The following FSTL4 variants were observed in gnomAD, a reference collection of about 807,000 sequenced individuals.
FSTL4 encodes follistatin-related protein 4.
Under a neutral mutation model 78.2 loss-of-function variants are expected in FSTL4, and 28 were observed. That is an observed-to-expected ratio of 0.36 (90% CI 0.27 to 0.49). The LOEUF (loss-of-function observed/expected upper bound fraction) is 0.49, where lower values mean the gene tolerates loss of function less well. Ranked by LOEUF, FSTL4 falls within the 20% of genes least tolerant of loss-of-function variation. FSTL4 has a pLI of 0.98. For synonymous variants in FSTL4, 422 were observed against 440.5 expected (o/e 0.96, Z 0.53); for missense variants, 922 against 1,084.9 (o/e 0.85, Z 2.11).
intron 2 of FSTL4, among the ~76,000 whole-genome samples, chr5:133,579,934 G>A (rs982400291): frequency 6.6e-6 from 1 of 152,212 alleles, no homozygotes; most frequent in African/African-American, 2.4e-5. Flanking sequence ...GAGCCTCTGA[G>A]AAGGTGAGCA....
intron 1 of FSTL4, among the ~76,000 whole-genome samples, chr5:133,607,586 G>A (rs1352981714): frequency 2.0e-5 from 3 of 152,186 alleles, no homozygotes; most frequent in East Asian, 3.8e-4. Context: ...GTAGACCCAC[G>A]ACATCTATTC....
At chr5:133,668,615 C>G in the FSTL4 span, among the ~76,000 whole-genome samples, 1 of 152,196 alleles carries the variant, frequency 6.6e-6, no homozygotes, top group African/African-American at 2.4e-5. Context: ...CCTTCTGACA[C>G]TGGTTTCTGT....
chr5:133,523,552 T>C (rs1759028471), intron 3 of FSTL4, among the ~76,000 whole-genome samples: 2 of 151,832 alleles, frequency 1.3e-5, no homozygotes, highest in Admixed American at 6.6e-5. Context: ...ATCCAGGCTG[T>C]TACGCCTATT....
rs369188393 is a variant in FSTL4 at position 133,213,315 on chromosome 5, AG to A, written c.1609-3018del. On this transcript the variant is annotated intron_variant, in intron 13 of 15. Transcript: ENST00000265342. ...ACCGTGCCTGGCCTGAGAAATACAA[AG>A]TAAAGTAAAGATATTTGAAAAGAAA... Among the ~76,000 whole-genome samples the A allele has an allele frequency of 3.7e-3, 461 of 124,922 alleles. 4 individuals carry two copies. The highest frequency in any genetic ancestry group is 0.026 in the African/African-American group (434 of 16,752). 82.0% of individuals were successfully genotyped at this position (124,922 alleles called of 152,430 possible). A position where few individuals can be genotyped will look rare whatever the true frequency, so the allele number is the denominator to read the frequency against.
chr5:133,476,092 G>A (rs1449105679), intron 3 of FSTL4, among the ~76,000 whole-genome samples: 1 of 152,186 alleles, frequency 6.6e-6, no homozygotes, highest in East Asian at 1.9e-4. Flanking sequence ...AGGTGCTGAG[G>A]CCAGCAGAAA....
At chr5:133,725,843 C>G in the FSTL4 span, among the ~76,000 whole-genome samples, 3 of 152,162 alleles carry the variant, frequency 2.0e-5, 1 homozygote, top group Non-Finnish European at 4.4e-5. Context: ...TGGGTTTCCA[C>G]TTGTTGAAAC....
At chr5:133,446,363 C>T (rs984846329) in intron 3 of FSTL4, among the ~76,000 whole-genome samples, 2 of 152,194 alleles carry the variant, frequency 1.3e-5, no homozygotes, top group African/African-American at 4.8e-5. Flanking sequence ...TCGCCTGAAT[C>T]CAGGAGGTGG....
the FSTL4 span, among the ~76,000 whole-genome samples, chr5:133,681,323 G>A: frequency 6.6e-6 from 1 of 152,340 alleles, no homozygotes; most frequent in Admixed American, 6.5e-5. Flanking sequence ...GCAGACCTCT[G>A]CCACACGGGC....
At chr5:133,701,708 G>A in the FSTL4 span, among the ~76,000 whole-genome samples, 1 of 152,160 alleles carries the variant, frequency 6.6e-6, no homozygotes, top group African/African-American at 2.4e-5. Flanking sequence ...GTCAAGCTTA[G>A]AAATTGTAGC....
chr5:133,506,552 T>G (rs1241591973), intron 3 of FSTL4, among the ~76,000 whole-genome samples: 1 of 152,018 alleles, frequency 6.6e-6, no homozygotes, highest in Non-Finnish European at 1.5e-5. Flanking sequence ...AAATTCTGGG[T>G]TTTTCCACTT....
chr5:133,368,777 C>T (rs1355832448), intron 4 of FSTL4, among the ~76,000 whole-genome samples: 2 of 152,154 alleles, frequency 1.3e-5, no homozygotes, highest in Non-Finnish European at 2.9e-5. Context: ...GTGCCCTTGG[C>T]CTTGCTGTCA....
the FSTL4 span, among the ~76,000 whole-genome samples, chr5:133,715,706 C>T: frequency 1.3e-5 from 2 of 152,190 alleles, no homozygotes; most frequent in Non-Finnish European, 2.9e-5. Flanking sequence ...TGATTTTGCT[C>T]AATGAGGACT....
the FSTL4 span, among the ~76,000 whole-genome samples, chr5:133,699,891 A>AC: frequency 6.6e-5 from 10 of 151,570 alleles, no homozygotes; most frequent in Non-Finnish European, 1.2e-4. Context: ...AAAAAAAAAA[A>AC]AAAAAAAAAA....
intron 3 of FSTL4, among the ~76,000 whole-genome samples, chr5:133,523,408 T>C (rs1049931171): frequency 8.5e-5 from 13 of 152,128 alleles, no homozygotes; most frequent in Admixed American, 3.9e-4. Context: ...TGGAGCTGCG[T>C]GGGTGCAGAG....
intron 3 of FSTL4, among the ~76,000 whole-genome samples, chr5:133,514,765 T>C (rs1232925009): frequency 6.6e-6 from 1 of 152,158 alleles, no homozygotes; most frequent in Non-Finnish European, 1.5e-5. Context: ...CACAAAACAA[T>C]TTATTTTTTA....
intron 6 of FSTL4, among the ~76,000 whole-genome samples, chr5:133,293,276 G>T (rs748881530): frequency 2.0e-5 from 3 of 152,310 alleles, no homozygotes; most frequent in East Asian, 1.9e-4. Context: ...TTCTTTTTGT[G>T]CCCTTTTCTG....
At chr5:133,764,009 G>A in the FSTL4 span, among the ~76,000 whole-genome samples, 3 of 152,188 alleles carry the variant, frequency 2.0e-5, no homozygotes, top group South Asian at 2.1e-4. Context: ...GTCCCTGCCC[G>A]TGGCATCCAG....
intron 3 of FSTL4, among the ~76,000 whole-genome samples, chr5:133,432,887 C>T (rs1756967833): frequency 6.6e-6 from 1 of 152,208 alleles, no homozygotes; most frequent in Admixed American, 6.5e-5. Context: ...CCCCAAGCCA[C>T]AAGCACTAAA....
At chr5:133,714,289 C>G in the FSTL4 span, among the ~76,000 whole-genome samples, 4 of 152,218 alleles carry the variant, frequency 2.6e-5, no homozygotes, top group South Asian at 8.3e-4. Flanking sequence ...CAAGCCCTTT[C>G]TACAAACCAG....
Sources: allele counts gnomAD v4.1 joint callset (sites outside exome capture counted in the v4.1 genomes callset), GRCh38; gene constraint gnomAD v4.1.1; transcripts MANE v1.5; gene names NCBI Gene and HGNC (gene_info 2026-07-23, HGNC 2026-07-21).